Variants in TRAPPC8 observed in about 807,000 individuals in gnomAD.
TRAPPC8 encodes the protein general sporulation gene 1 homolog.
Under a neutral mutation model 174.3 loss-of-function variants are expected in TRAPPC8, and 54 were observed. That is an observed-to-expected ratio of 0.31 (90% CI 0.25 to 0.39). The LOEUF (loss-of-function observed/expected upper bound fraction) is 0.39. Ranked by LOEUF, TRAPPC8 falls within the 10% of genes least tolerant of loss-of-function variation. The pLI, the probability that TRAPPC8 is intolerant of heterozygous loss-of-function variation, is 1.00. For missense variants in TRAPPC8, 1,531 were observed against 1,699.1 expected (o/e 0.90, Z 1.74); for synonymous variants, 630 against 579.9 (o/e 1.09, Z -1.24).
rs373748681 is a variant in TRAPPC8 at position 31,832,977 on chromosome 18, TA to T, written c.3984-805del. Among the ~76,000 whole-genome samples, 783 of 152,326 alleles carry T rather than the reference TA, an allele frequency of 5.1e-3. 6 individuals carry two copies. Among genetic ancestry groups the T allele is most frequent in the African/African-American group, 0.018 (747 of 41,578 alleles). On this transcript the variant is annotated intron_variant, in intron 27 of 28. Transcript: ENST00000283351. ...ATATATTTTATACTTTCAGAAACTT[TA>T]TATCTTCTTACTGAGAAATACTTTT...
chr18:31,845,596 A>AC (rs1290841357), intron 26 of TRAPPC8, among the ~76,000 whole-genome samples: 1 of 152,190 alleles, frequency 6.6e-6, no homozygotes, highest in African/African-American at 2.4e-5. Flanking sequence ...AGGGAAAAAA[A>AC]CTAATACATA....
intron 12 of TRAPPC8, among the ~76,000 whole-genome samples, chr18:31,881,556 C>T (rs2035454295): frequency 6.6e-6 from 1 of 151,940 alleles, no homozygotes; most frequent in Non-Finnish European, 1.5e-5. Flanking sequence ...GAAGAAAACC[C>T]AGGAAATACC....
At chr18:31,884,165 G>C (rs1419846355) in intron 12 of TRAPPC8, among the ~76,000 whole-genome samples, 1 of 152,138 alleles carries the variant, frequency 6.6e-6, no homozygotes, top group Non-Finnish European at 1.5e-5. Context: ...CTGTAGCCTG[G>C]GCAAAAGAGT....
chr18:31,925,763 C>T (rs143344061), intron 2 of TRAPPC8, among the ~76,000 whole-genome samples: 1 of 152,210 alleles, frequency 6.6e-6, no homozygotes, highest in East Asian at 1.9e-4. Context: ...GGGGGTAATA[C>T]ATATAATGGC....
intron 27 of TRAPPC8, among the ~76,000 whole-genome samples, chr18:31,836,792 C>A (rs566824165): frequency 7.2e-6 from 1 of 139,846 alleles, no homozygotes; most frequent in Admixed American, 7.4e-5. Flanking sequence ...GACAGAGTCT[C>A]GCTCTGTCGC....
intron 9 of TRAPPC8, among the ~76,000 whole-genome samples, chr18:31,906,678 C>T (rs1047877543): frequency 6.6e-6 from 1 of 152,186 alleles, no homozygotes; most frequent in Non-Finnish European, 1.5e-5. Flanking sequence ...TTTTCAAAAA[C>T]ATTAAAAGGT....
At chr18:31,924,112 C>T (rs1201112980) in intron 2 of TRAPPC8, among the ~76,000 whole-genome samples, 1 of 150,750 alleles carries the variant, frequency 6.6e-6, no homozygotes, top group Non-Finnish European at 1.5e-5. Context: ...GGTGAAACCT[C>T]ATCTCTACTA....
intron 27 of TRAPPC8, among the ~76,000 whole-genome samples, chr18:31,835,886 A>G (rs915610815): frequency 3.9e-5 from 6 of 152,350 alleles, no homozygotes; most frequent in African/African-American, 1.4e-4. Flanking sequence ...CCACCAGAAC[A>G]TACTCCAGGT....
chr18:31,930,826 A>G (rs1182223679), intron 2 of TRAPPC8, among the ~76,000 whole-genome samples: 1 of 152,150 alleles, frequency 6.6e-6, no homozygotes, highest in Non-Finnish European at 1.5e-5. Context: ...CAGGAGTTTA[A>G]GACCAGCCTG....
intron 21 of TRAPPC8, among the ~76,000 whole-genome samples, chr18:31,854,602 G>A (rs891475601): frequency 6.6e-6 from 1 of 152,094 alleles, no homozygotes; most frequent in African/African-American, 2.4e-5. Flanking sequence ...TTTCAAATAA[G>A]TACCTGAATT....
At chr18:31,836,189 T>C (rs532742404) in intron 27 of TRAPPC8, among the ~76,000 whole-genome samples, 1 of 152,338 alleles carries the variant, frequency 6.6e-6, no homozygotes, top group Non-Finnish European at 1.5e-5. Context: ...GAGAATCTGA[T>C]TGAATCAGCC....
At chr18:31,904,190 C>T (rs1043339648) in intron 9 of TRAPPC8, among the ~76,000 whole-genome samples, 8 of 151,166 alleles carry the variant, frequency 5.3e-5, no homozygotes, top group African/African-American at 1.9e-4. Flanking sequence ...AAACTGTCAT[C>T]GCACTACTGC....
intron 19 of TRAPPC8, among the ~76,000 whole-genome samples, chr18:31,859,627 G>A (rs748202937): frequency 3.9e-5 from 6 of 152,128 alleles, no homozygotes; most frequent in Non-Finnish European, 5.9e-5. Context: ...TTGGTAAAAT[G>A]GTAACAGTGA....
At chr18:31,913,648 A>T in intron 4 of TRAPPC8, 126 bp from the exon 5 acceptor site, 1 of 721,438 alleles carries the variant, frequency 1.4e-6, no homozygotes, top group East Asian at 3.2e-5. Flanking sequence ...AGACTGGAAA[A>T]ATATAAAAGA....
chr18:31,933,694 G>A lies in TRAPPC8; in HGVS notation c.158-2171C>T, dbSNP rs959755475. ...TAAAGAATGACACATTCTTCTCAAT[G>A]GAAAATGCCTTATACCAAAATCAAG... On this transcript the variant is annotated intron_variant, in intron 1 of 28. Coordinates refer to ENST00000283351, the MANE Select transcript of TRAPPC8 (RefSeq NM_014939.5). Among the ~76,000 whole-genome samples, 4 of 151,948 alleles carry A rather than the reference G, an allele frequency of 2.6e-5. 1 individual carries two copies. Among genetic ancestry groups the A allele is most frequent in the Admixed American group, 2.0e-4 (3 of 15,238 alleles).
intron 12 of TRAPPC8, 62 bp downstream of exon 12, chr18:31,890,673 G>A: frequency 6.5e-7 from 1 of 1,534,686 alleles, no homozygotes; most frequent in South Asian, 1.2e-5. Flanking sequence ...AATAAAAATG[G>A]ACAAATGACA....
In TRAPPC8 at chr18:31,909,670, T is replaced by C; in HGVS notation, c.862A>G (p.Lys288Glu). The C allele has an allele frequency of 1.3e-6, 2 of 1,598,076 alleles. No homozygotes were observed. The highest frequency in any genetic ancestry group is 1.1e-5 in the South Asian group (1 of 87,600). The change falls in exon 6 of 29, where the codon AAA becomes GAA. Residue 288 changes from lysine (K) to glutamate (E), a missense_variant. Transcript: ENST00000283351. ...CTTAGAGAAAATATATCAAGACCTT[T>C]GACTTCGTTATCTAATCCATCCAAT... ...LSLDGLDNEV[K>E]DGLPNNFRAH...
intron 26 of TRAPPC8, 39 bp downstream of exon 26, chr18:31,846,676 CA>C (rs772183491): frequency 6.8e-7 from 1 of 1,475,674 alleles, no homozygotes; most frequent in Non-Finnish European, 9.2e-7. Flanking sequence ...AAAAAACCCA[CA>C]AGTTCACCAG....
chr18:31,886,593 GTT>G (rs890397041), intron 12 of TRAPPC8, among the ~76,000 whole-genome samples: 1 of 151,996 alleles, frequency 6.6e-6, no homozygotes, highest in Non-Finnish European at 1.5e-5. Context: ...CTTCCCCAGC[GTT>G]TTTTGTTTTT....
Sources: allele counts gnomAD v4.1 joint callset (sites outside exome capture counted in the v4.1 genomes callset), GRCh38; gene constraint gnomAD v4.1.1; transcripts MANE v1.5; gene names NCBI Gene and HGNC (gene_info 2026-07-23, HGNC 2026-07-21).